KDM2B: variants seen among roughly 807,000 people sequenced by gnomAD.
The protein encoded by KDM2B is lysine-specific demethylase 2B.
A neutral mutation model predicts 150.0 loss-of-function variants in KDM2B; 26 were observed. The ratio of observed to expected loss-of-function variants is 0.17; its 90% CI spans 0.13 to 0.24. The LOEUF (loss-of-function observed/expected upper bound fraction) is 0.24, where lower values mean the gene tolerates loss of function less well. Among genes scored for constraint, KDM2B ranks in the 10% least tolerant of loss-of-function variants. KDM2B has a pLI of 1.00. For missense variants in KDM2B, 1,265 were observed against 1,816.9 expected (o/e 0.70, Z 5.52); for synonymous variants, 734 against 729.5 (o/e 1.01, Z -0.10).
intron 9 of KDM2B, among the ~76,000 whole-genome samples, chr12:121,519,346 A>G (rs958079033): frequency 1.3e-5 from 2 of 152,194 alleles, no homozygotes; most frequent in African/African-American, 4.8e-5. Flanking sequence ...CTCTCCTTAG[A>G]TCTATGCAGA....
chr12:121,534,206 G>A (rs1555308315), intron 7 of KDM2B, among the ~76,000 whole-genome samples: 2 of 152,048 alleles, frequency 1.3e-5, no homozygotes, highest in African/African-American at 2.4e-5. Context: ...AAAATTAGCA[G>A]GGCGTGGTAG....
At chr12:121,451,122 C>T (rs1282026318) in intron 13 of KDM2B, among the ~76,000 whole-genome samples, 1 of 151,922 alleles carries the variant, frequency 6.6e-6, no homozygotes, top group South Asian at 2.1e-4. Context: ...CCCCTTCTAC[C>T]TCCTCCATCT....
chr12:121,542,782 G>A (rs1465087118), intron 6 of KDM2B, among the ~76,000 whole-genome samples: 2 of 152,124 alleles, frequency 1.3e-5, no homozygotes, highest in African/African-American at 4.8e-5. Flanking sequence ...CCTTTTTCCT[G>A]CTTTATGTTT....
chr12:121,551,724 C>T (rs184917403), intron 4 of KDM2B, among the ~76,000 whole-genome samples: 8 of 152,018 alleles, frequency 5.3e-5, no homozygotes, highest in Non-Finnish European at 4.4e-5. Flanking sequence ...GGCTCTTTTT[C>T]GTATTTTTAG....
At chr12:121,508,448 A>G (rs1337222392) in intron 11 of KDM2B, among the ~76,000 whole-genome samples, 1 of 152,236 alleles carries the variant, frequency 6.6e-6, no homozygotes, top group Non-Finnish European at 1.5e-5. Flanking sequence ...CTAAGTAAAT[A>G]CAATGAACAA....
intron 4 of KDM2B, among the ~76,000 whole-genome samples, chr12:121,558,124 G>A (rs1054998937): frequency 1.3e-5 from 2 of 152,242 alleles, no homozygotes; most frequent in Non-Finnish European, 2.9e-5. Context: ...GAGGGCAGGA[G>A]GCTTGCCTGT....
the KDM2B span, chr12:121,416,055 GTTA>G: frequency 1.1e-6 from 1 of 874,276 alleles, no homozygotes; most frequent in Non-Finnish European, 1.8e-6. Flanking sequence ...TAATCTCAAA[GTTA>G]TTGAGGGCAA....
chr12:121,466,440 T>C (rs1016924678), intron 12 of KDM2B, among the ~76,000 whole-genome samples: 1 of 152,158 alleles, frequency 6.6e-6, no homozygotes, highest in Non-Finnish European at 1.5e-5. Context: ...TTTCTCCCCC[T>C]GGTCCCGAGA....
chr12:121,469,987 C>A (rs1880585864), intron 12 of KDM2B: 2 of 151,566 alleles, frequency 1.3e-5, no homozygotes, highest in African/African-American at 4.9e-5. Context: ...ATCCCAGCTG[C>A]TCAGGAGGCT....
chr12:121,491,884 C>A (rs1883404000), intron 12 of KDM2B, among the ~76,000 whole-genome samples: 1 of 151,742 alleles, frequency 6.6e-6, no homozygotes, highest in Non-Finnish European at 1.5e-5. Flanking sequence ...GAAGGTAAGT[C>A]AGGCACTGTG....
intron 4 of KDM2B, among the ~76,000 whole-genome samples, chr12:121,565,718 C>T (rs970200971): frequency 1.2e-4 from 18 of 151,726 alleles, no homozygotes; most frequent in Non-Finnish European, 2.4e-4. Flanking sequence ...TCCGCCCCAC[C>T]GGGTTCAAGC....
chr12:121,436,303 C>T (rs890014063), intron 22 of KDM2B, among the ~76,000 whole-genome samples: 33 of 152,082 alleles, frequency 2.2e-4, no homozygotes, highest in African/African-American at 7.2e-5. Flanking sequence ...GGGCGGATCA[C>T]GAGGTCAGGA....
At chr12:121,434,816 G>A (rs1257114972) in intron 22 of KDM2B, among the ~76,000 whole-genome samples, 7 of 152,106 alleles carry the variant, frequency 4.6e-5, no homozygotes, top group Admixed American at 3.9e-4. Context: ...AATTAGCCAG[G>A]TGTGGTGGCA....
chr12:121,490,108 G>A (rs1397475388), intron 12 of KDM2B, among the ~76,000 whole-genome samples: 1 of 152,198 alleles, frequency 6.6e-6, no homozygotes, highest in Non-Finnish European at 1.5e-5. Context: ...ACTCCGGAGG[G>A]ACCCCAGACG....
the KDM2B span, chr12:121,420,256 C>A: frequency 6.2e-7 from 1 of 1,606,814 alleles, no homozygotes; most frequent in South Asian, 1.1e-5. Flanking sequence ...AAAGTGAAAT[C>A]ACTTCAGCAA....
chr12:121,556,398 C>T (rs1189692049), intron 4 of KDM2B, among the ~76,000 whole-genome samples: 2 of 152,090 alleles, frequency 1.3e-5, no homozygotes, highest in Admixed American at 1.3e-4. Flanking sequence ...GCACCTCCCT[C>T]CTCTCTCTCT....
intron 11 of KDM2B, among the ~76,000 whole-genome samples, chr12:121,506,073 A>G (rs1885045605): frequency 6.8e-6 from 1 of 147,900 alleles, no homozygotes; most frequent in Non-Finnish European, 1.5e-5. Flanking sequence ...GCAGTGGCGC[A>G]CTCATAGTTC....
chr12:121,556,978 A>G (rs1056731822), intron 4 of KDM2B, among the ~76,000 whole-genome samples: 5 of 152,066 alleles, frequency 3.3e-5, no homozygotes, highest in Admixed American at 2.6e-4. Flanking sequence ...TAAGATTATG[A>G]CCCAGATCGA....
intron 12 of KDM2B, among the ~76,000 whole-genome samples, chr12:121,487,598 G>A (rs148690789): frequency 5.3e-5 from 8 of 152,098 alleles, no homozygotes; most frequent in South Asian, 2.1e-4. Context: ...CAGACCCGTC[G>A]TGCCCTCAGC....
Sources: allele counts gnomAD v4.1 joint callset (sites outside exome capture counted in the v4.1 genomes callset), GRCh38; gene constraint gnomAD v4.1.1; transcripts MANE v1.5; gene names NCBI Gene and HGNC (gene_info 2026-07-23, HGNC 2026-07-21).